ADGRV1: variants seen among roughly 807,000 people sequenced by gnomAD.
The protein encoded by ADGRV1 is adhesion G protein-coupled receptor V1.
Under a neutral mutation model 596.2 loss-of-function variants are expected in ADGRV1, and 359 were observed. The ratio of observed to expected loss-of-function variants is 0.60; its 90% CI spans 0.55 to 0.66. ADGRV1 has a LOEUF of 0.66. ADGRV1 is among the 30% of genes least tolerant of loss of function. ADGRV1 has a pLI of 0.00. For missense variants in ADGRV1, 7,274 were observed against 7,575.6 expected (o/e 0.96, Z 1.48); for synonymous variants, 2,681 against 2,679.2 (o/e 1.00, Z -0.02).
At chr5:90,960,916 G>T (rs1455443664) in intron 83 of ADGRV1, among the ~76,000 whole-genome samples, 1 of 152,096 alleles carries the variant, frequency 6.6e-6, no homozygotes, top group African/African-American at 2.4e-5. Context: ...TGGGACTTGG[G>T]TTTTCTCTCT....
At position 90,653,320 on chromosome 5, in the gene ADGRV1, T is replaced by G. The variant is rs775348911; in HGVS notation, c.3746T>G (p.Leu1249Ter). ...GTTTTTATCTTGGATCCAGAGTGTT[T>G]AGAGAGAGAAGTGGCAGAAGATGTC... Reference protein sequence around the residue: ...FGVFILDPECLEREVAEDVLS... With the variant: ...FGVFILDPEC The change falls in exon 20 of 90, where the codon TTA (leucine) becomes TGA (stop). Residue 1249 changes from leucine (L) to a stop codon, truncating the protein, a stop_gained. Coordinates refer to ENST00000405460, the MANE Select transcript of ADGRV1 (RefSeq NM_032119.4). LOFTEE classifies it high-confidence loss of function. 6.2e-7 allele frequency: 1 copy of G among 1,613,888 alleles called. No homozygotes were observed. Among genetic ancestry groups the G allele is most frequent in the Non-Finnish European group, 8.5e-7 (1 of 1,179,866 alleles).
chr5:91,017,047 T>A (rs1178641569), intron 85 of ADGRV1, among the ~76,000 whole-genome samples: 1 of 151,926 alleles, frequency 6.6e-6, no homozygotes, highest in African/African-American at 2.4e-5. Flanking sequence ...CACTCAGTAG[T>A]ACCAAGCAGT....
chr5:90,760,837 G>A (rs918615048), intron 58 of ADGRV1, among the ~76,000 whole-genome samples: 1 of 152,052 alleles, frequency 6.6e-6, no homozygotes, highest in Non-Finnish European at 1.5e-5. Context: ...GCCATATTTG[G>A]TACCTAGTAC....
At chr5:90,801,632 C>G (rs1273444166) in intron 70 of ADGRV1, among the ~76,000 whole-genome samples, 1 of 151,616 alleles carries the variant, frequency 6.6e-6, no homozygotes, top group South Asian at 2.1e-4. Flanking sequence ...TATTTGAAAC[C>G]ATCATGGTAT....
intron 75 of ADGRV1, among the ~76,000 whole-genome samples, chr5:90,818,618 G>C (rs1382660432): frequency 6.6e-6 from 1 of 151,414 alleles, no homozygotes; most frequent in East Asian, 1.9e-4. Flanking sequence ...AGAATTTTTA[G>C]CATGAAGGGT....
intron 16 of ADGRV1, 90 bp downstream of exon 16, chr5:90,646,181 T>C: frequency 1.3e-6 from 1 of 793,118 alleles, no homozygotes; most frequent in Non-Finnish European, 1.7e-6. Flanking sequence ...TACATTTATA[T>C]GCACGTGCGT....
chr5:90,689,836 A>G, intron 29 of ADGRV1, 25 bp from the exon 30 acceptor site: 1 of 1,535,392 alleles, frequency 6.5e-7, no homozygotes, highest in Non-Finnish European at 9.0e-7. Flanking sequence ...TAGAAGTCTT[A>G]ACATTTTACT....
intron 41 of ADGRV1, 31 bp from the exon 42 acceptor site, chr5:90,712,256 T>C: frequency 7.4e-7 from 1 of 1,352,734 alleles, no homozygotes; most frequent in Non-Finnish European, 1.0e-6. Flanking sequence ...TATATAAATA[T>C]AATACATTCT....
chr5:90,835,469 C>T (rs947206691), intron 77 of ADGRV1, among the ~76,000 whole-genome samples: 14 of 152,174 alleles, frequency 9.2e-5, no homozygotes, highest in Non-Finnish European at 5.9e-5. Flanking sequence ...GTGGTCACTG[C>T]CACTGGGATT....
intron 83 of ADGRV1, among the ~76,000 whole-genome samples, chr5:90,872,134 A>G (rs1398989538): frequency 6.6e-6 from 1 of 151,958 alleles, no homozygotes; most frequent in Non-Finnish European, 1.5e-5. Flanking sequence ...GGGAGGGGAG[A>G]ATTTGGGGCC....
intron 87 of ADGRV1, among the ~76,000 whole-genome samples, chr5:91,140,686 G>A (rs1795025308): frequency 6.6e-6 from 1 of 152,144 alleles, no homozygotes; most frequent in Non-Finnish European, 1.5e-5. Flanking sequence ...ACTTCGGAAA[G>A]TTTTTAAATC....
intron 50 of ADGRV1, among the ~76,000 whole-genome samples, chr5:90,741,073 T>C (rs79784658): frequency 0.012 from 1,777 of 152,302 alleles, 34 homozygotes; most frequent in African/African-American, 0.041. Flanking sequence ...CTTGCTGATG[T>C]CATTCTATTT....
intron 77 of ADGRV1, among the ~76,000 whole-genome samples, chr5:90,832,049 G>T (rs914290052): frequency 6.6e-6 from 1 of 152,204 alleles, no homozygotes; most frequent in Non-Finnish European, 1.5e-5. Flanking sequence ...GAGAGTGCAG[G>T]TATCTCTTTG....
chr5:90,584,165 A>G (rs1305709833), intron 1 of ADGRV1, among the ~76,000 whole-genome samples: 1 of 152,182 alleles, frequency 6.6e-6, no homozygotes, highest in Non-Finnish European at 1.5e-5. Context: ...GTTTCATGTA[A>G]AGCAGTTAAA....
At chr5:91,037,697 A>G (rs1330909927) in intron 85 of ADGRV1, among the ~76,000 whole-genome samples, 3 of 152,238 alleles carry the variant, frequency 2.0e-5, no homozygotes, top group African/African-American at 7.2e-5. Flanking sequence ...TTATGAAATT[A>G]TATATTCGAG....
chr5:90,751,590 G>A (rs1034609330), intron 53 of ADGRV1, among the ~76,000 whole-genome samples: 6 of 152,172 alleles, frequency 3.9e-5, no homozygotes, highest in Middle Eastern at 3.4e-3. Flanking sequence ...ACAACAAGAG[G>A]GATCAGAGAG....
chr5:90,849,651 A>T lies in ADGRV1; in HGVS notation c.17204+830A>T, dbSNP rs577564075. The stretch of plus-strand genomic sequence containing the variant: ...GCGATCCACCTGTCTTGGCTTCCCA[A>T]AATGCTGGGATTACAAGCGTGAGCC... On this transcript the variant is annotated intron_variant, in intron 79 of 89. Transcript: ENST00000405460. Among the ~76,000 whole-genome samples the T allele has an allele frequency of 9.8e-5, 15 of 152,314 alleles. No homozygotes were observed. In the East Asian group the frequency reaches 2.9e-3, roughly 29 times the overall value.
intron 86 of ADGRV1, among the ~76,000 whole-genome samples, chr5:91,095,199 A>G (rs1470565897): frequency 2.6e-5 from 4 of 151,398 alleles, no homozygotes; most frequent in Non-Finnish European, 4.4e-5. Flanking sequence ...CAATTTGCAA[A>G]CCCAGTATTT....
intron 85 of ADGRV1, among the ~76,000 whole-genome samples, chr5:91,026,612 CTT>C (rs1784037309): frequency 6.6e-6 from 1 of 152,054 alleles, no homozygotes; most frequent in Non-Finnish European, 1.5e-5. Context: ...CTTCATGACA[CTT>C]TGAACATGAG....
Sources: gnomAD v4.1 joint callset for allele counts (sites outside exome capture counted in the v4.1 genomes callset) on GRCh38, gnomAD v4.1.1 for gene constraint, MANE v1.5 for transcripts, NCBI Gene and HGNC (gene_info 2026-07-23, HGNC 2026-07-21) for gene names.